Variants in RARB observed in about 807,000 individuals in gnomAD.
The protein encoded by RARB is retinoic acid receptor beta, also known as HBV-activated protein.
A neutral mutation model predicts 51.9 loss-of-function variants in RARB; 17 were observed. The ratio of observed to expected loss-of-function variants is 0.33; its 90% CI spans 0.22 to 0.49. The LOEUF (loss-of-function observed/expected upper bound fraction) is 0.49. Ranked by LOEUF, RARB falls within the 20% of genes least tolerant of loss-of-function variation. RARB has a pLI of 0.99. For missense variants in RARB, 369 were observed against 550.8 expected (o/e 0.67, Z 3.30); for synonymous variants, 215 against 195.4 (o/e 1.10, Z -0.84).
At chr3:25,112,833 T>C (rs1009369405) in intron 3 of RARB, among the ~76,000 whole-genome samples, 2 of 152,114 alleles carry the variant, frequency 1.3e-5, no homozygotes, top group East Asian at 3.9e-4. Context: ...AAAATTGATA[T>C]TCGATATTCT....
intron 5 of RARB, among the ~76,000 whole-genome samples, chr3:25,235,144 T>G (rs565024749): frequency 6.6e-6 from 1 of 152,254 alleles, no homozygotes; most frequent in East Asian, 1.9e-4. Context: ...CCAGAAAACT[T>G]AGTGGTTCTG....
At chr3:24,892,393 A>G (rs568107471) in intron 2 of RARB, among the ~76,000 whole-genome samples, 1 of 152,108 alleles carries the variant, frequency 6.6e-6, no homozygotes, top group African/African-American at 2.4e-5. Flanking sequence ...AGTCCAGTTG[A>G]TGGTATAAAC....
At chr3:24,984,910 G>T (rs1339526257) in intron 2 of RARB, among the ~76,000 whole-genome samples, 2 of 152,144 alleles carry the variant, frequency 1.3e-5, no homozygotes, top group Non-Finnish European at 2.9e-5. Context: ...TTCCTGTTCT[G>T]AGCTTTGCTG....
chr3:25,240,271 A>G (rs530067927), intron 5 of RARB, among the ~76,000 whole-genome samples: 1 of 152,234 alleles, frequency 6.6e-6, no homozygotes, highest in African/African-American at 2.4e-5. Flanking sequence ...TGTTCTCTGA[A>G]GAAAAGGACA....
At chr3:24,966,047 CAT>C (rs1575095334) in intron 2 of RARB, among the ~76,000 whole-genome samples, 1 of 151,750 alleles carries the variant, frequency 6.6e-6, no homozygotes, top group African/African-American at 2.4e-5. Flanking sequence ...AGTTGGGAAA[CAT>C]ATTCAGAAAG....
intron 2 of RARB, among the ~76,000 whole-genome samples, chr3:24,909,167 AG>A (rs1382441668): frequency 6.6e-6 from 1 of 152,156 alleles, no homozygotes; most frequent in African/African-American, 2.4e-5. Flanking sequence ...GTTGTAGATG[AG>A]GGCCCAAGTC....
At chr3:25,240,144 A>G (rs1027233231) in intron 5 of RARB, among the ~76,000 whole-genome samples, 1 of 151,472 alleles carries the variant, frequency 6.6e-6, no homozygotes, top group African/African-American at 2.4e-5. Context: ...TTAGTTCATC[A>G]TTGGTGTATA....
At chr3:25,065,178 A>C (rs1328278218) in intron 3 of RARB, among the ~76,000 whole-genome samples, 1 of 152,062 alleles carries the variant, frequency 6.6e-6, no homozygotes, top group African/African-American at 2.4e-5. Context: ...GATTTTTAAA[A>C]AATTGTTATT....
chr3:25,356,903 C>T (rs1293509916), intron 5 of RARB, among the ~76,000 whole-genome samples: 1 of 152,052 alleles, frequency 6.6e-6, no homozygotes, highest in Non-Finnish European at 1.5e-5. Flanking sequence ...TTTTCTTTAC[C>T]CAGTCTAACA....
At chr3:25,293,595 T>C (rs1703840746) in intron 5 of RARB, among the ~76,000 whole-genome samples, 1 of 22,812 alleles carries the variant, frequency 4.4e-5, no homozygotes, top group South Asian at 4.1e-3. Context: ...AGTTACTCCA[T>C]TTAAAAAAAA....
At chr3:24,893,734 A>C (rs1703430448) in intron 2 of RARB, among the ~76,000 whole-genome samples, 1 of 149,284 alleles carries the variant, frequency 6.7e-6, no homozygotes, top group Non-Finnish European at 1.5e-5. Context: ...TATGTTGCCT[A>C]GGTGGGTCTC....
chr3:24,958,776 A>C (rs552828637), intron 2 of RARB, among the ~76,000 whole-genome samples: 16 of 152,362 alleles, frequency 1.1e-4, no homozygotes, highest in Non-Finnish European at 2.4e-4. Context: ...CATGAAAATA[A>C]TATGACAACA....
chr3:25,029,966 T>C (rs2125289488), intron 2 of RARB, among the ~76,000 whole-genome samples: 1 of 152,328 alleles, frequency 6.6e-6, no homozygotes, highest in Non-Finnish European at 1.5e-5. Flanking sequence ...ACGTATGGAA[T>C]ATGGTGTCAG....
intron 4 of RARB, among the ~76,000 whole-genome samples, chr3:25,172,365 G>A (rs1358476573): frequency 2.0e-5 from 3 of 152,118 alleles, no homozygotes; most frequent in South Asian, 2.1e-4. Context: ...GTGACATTGA[G>A]GGGAATTCAT....
intron 3 of RARB, among the ~76,000 whole-genome samples, chr3:25,552,355 A>C (rs1223105106): frequency 3.3e-5 from 5 of 152,114 alleles, no homozygotes; most frequent in Non-Finnish European, 7.4e-5. Flanking sequence ...CCTTAAATGC[A>C]TGCACAGTTA....
intron 5 of RARB, among the ~76,000 whole-genome samples, chr3:25,324,880 C>A (rs911495301): frequency 6.6e-6 from 1 of 152,178 alleles, no homozygotes; most frequent in Non-Finnish European, 1.5e-5. Context: ...TCTTCTGATT[C>A]TTCTTGGGTT....
chr3:25,239,063 T>C (rs952192950), intron 5 of RARB, among the ~76,000 whole-genome samples: 1 of 152,222 alleles, frequency 6.6e-6, no homozygotes, highest in Non-Finnish European at 1.5e-5. Context: ...ATTAGTGATG[T>C]TGAACATTTT....
chr3:25,159,103 G>A (rs1700429401), intron 4 of RARB, among the ~76,000 whole-genome samples: 1 of 149,568 alleles, frequency 6.7e-6, no homozygotes, highest in African/African-American at 2.5e-5. Flanking sequence ...TAATGTCTCT[G>A]CCACATTTCC....
At chr3:25,275,358 G>A (rs1019905054) in intron 5 of RARB, among the ~76,000 whole-genome samples, 1 of 152,210 alleles carries the variant, frequency 6.6e-6, no homozygotes, top group South Asian at 2.1e-4. Flanking sequence ...CTACTCGGGA[G>A]GCTGAGGTGG....
Sources: allele counts gnomAD v4.1 joint callset (sites outside exome capture counted in the v4.1 genomes callset), GRCh38; gene constraint gnomAD v4.1.1; transcripts MANE v1.5; gene names NCBI Gene and HGNC (gene_info 2026-07-23, HGNC 2026-07-21).